PHACTR1: variants seen among roughly 807,000 people sequenced by gnomAD.
PHACTR1 encodes the protein phosphatase and actin regulator 1.
Under a neutral mutation model 69.2 loss-of-function variants are expected in PHACTR1, and 16 were observed. The ratio of observed to expected loss-of-function variants is 0.23; its 90% CI spans 0.16 to 0.35. The LOEUF is 0.35. Among genes scored for constraint, PHACTR1 ranks in the 10% least tolerant of loss-of-function variants. The probability of loss-of-function intolerance (pLI) is 1.00; values close to 1 mark genes in which losing one functional copy is unlikely to be tolerated. For missense variants in PHACTR1, 510 were observed against 734.7 expected, an observed-to-expected ratio of 0.69 and a Z score of 3.54; for synonymous variants, 312 against 284.5, an observed-to-expected ratio of 1.10 and a Z score of -0.97.
intron 10 of PHACTR1, among the ~76,000 whole-genome samples, chr6:13,233,105 C>T (rs1054025303): frequency 5.9e-5 from 9 of 152,270 alleles, no homozygotes; most frequent in African/African-American, 9.6e-5. Flanking sequence ...TTTAGACTAA[C>T]ACAGTAAAAA....
At chr6:13,063,434 G>A (rs1807992156) in intron 5 of PHACTR1, among the ~76,000 whole-genome samples, 1 of 152,114 alleles carries the variant, frequency 6.6e-6, no homozygotes, top group Non-Finnish European at 1.5e-5. Flanking sequence ...AGAACAGAAT[G>A]TAGGAGAGCC....
chr6:12,797,145 G>A (rs1325048804), intron 4 of PHACTR1, among the ~76,000 whole-genome samples: 3 of 151,992 alleles, frequency 2.0e-5, no homozygotes, highest in South Asian at 2.1e-4. Context: ...GAGATGCCTA[G>A]TCTAGGTGTG....
At chr6:12,882,541 G>A (rs1267622669) in intron 4 of PHACTR1, among the ~76,000 whole-genome samples, 1 of 152,148 alleles carries the variant, frequency 6.6e-6, no homozygotes, top group Admixed American at 6.5e-5. Flanking sequence ...GTTTTCATCT[G>A]TTTAAAATCA....
At chr6:13,081,533 T>A (rs986926008) in intron 5 of PHACTR1, among the ~76,000 whole-genome samples, 2 of 152,164 alleles carry the variant, frequency 1.3e-5, no homozygotes, top group African/African-American at 4.8e-5. Context: ...AAAAGTGTAC[T>A]TAAAGAAGCA....
At position 13,270,978 on chromosome 6, in the gene PHACTR1, A is replaced by T. The variant is rs116112425; in HGVS notation, c.1392-1882A>T. On this transcript the variant is annotated intron_variant, in intron 10 of 14. Transcript: ENST00000332995. ...AAAAGCAGGAGCAAGAGAGAGAGAG[A>T]GAGTGAGCAGGGAGTTGCCACATGC... Among the ~76,000 whole-genome samples the T allele has an allele frequency of 4.1e-3, 613 of 151,232 alleles. 3 individuals are homozygous for T. Among genetic ancestry groups the T allele is most frequent in the African/African-American group, 0.014 (591 of 41,216 alleles).
chr6:13,160,285 G>C lies in PHACTR1; in HGVS notation c.496+1G>C, dbSNP rs1179892355. ...GTCCTGAAGGAAATCTATGATAAAG[G>C]TAAGGAGGATTGGTCTGTCATCCCC... On this transcript the variant is annotated splice_donor_variant, in intron 6 of 14. Transcript: ENST00000332995. LOFTEE classifies it high-confidence loss of function. 2.5e-6 allele frequency: 4 copies of C among 1,612,752 alleles called. No individual in the cohort carries two copies.
chr6:12,972,371 C>A (rs1032433047), intron 4 of PHACTR1, among the ~76,000 whole-genome samples: 2 of 152,190 alleles, frequency 1.3e-5, no homozygotes, highest in Non-Finnish European at 2.9e-5. Flanking sequence ...CCTACACATA[C>A]CCCTTGTGTT....
rs76413071 is a variant in PHACTR1, at chr6:12,824,051, G to A, written c.250+74261G>A. ...GGAGGTGAGCAGTGGGCAAGCAGGC[G>A]GAACGTCATTTGTGTTCACAGCCGC... On this transcript the variant is annotated intron_variant, in intron 4 of 14. Coordinates refer to ENST00000332995, the MANE Select transcript of PHACTR1 (RefSeq NM_030948.6). Among the ~76,000 whole-genome samples the A allele has an allele frequency of 7.1e-3, 1,079 of 152,248 alleles. 17 individuals carry two copies. The highest frequency in any genetic ancestry group is 0.025 in the African/African-American group (1,021 of 41,518).
chr6:12,886,962 G>A (rs185223582), intron 4 of PHACTR1, among the ~76,000 whole-genome samples: 11 of 152,230 alleles, frequency 7.2e-5, no homozygotes, highest in African/African-American at 2.4e-4. Context: ...GGTGGTGGTC[G>A]GTTTCAGAGC....
chr6:12,765,487 T>C (rs1768496037), intron 4 of PHACTR1, among the ~76,000 whole-genome samples: 1 of 152,222 alleles, frequency 6.6e-6, no homozygotes, highest in Admixed American at 6.5e-5. Context: ...CACTTCCCCA[T>C]GAGTCCATCT....
intron 5 of PHACTR1, among the ~76,000 whole-genome samples, chr6:13,145,852 A>G (rs1437072154): frequency 3.9e-5 from 6 of 152,224 alleles, no homozygotes; most frequent in South Asian, 4.1e-4. Context: ...AAGCCGGTCT[A>G]TAGTGTTTTG....
intron 4 of PHACTR1, among the ~76,000 whole-genome samples, chr6:13,013,264 A>G (rs1799650473): frequency 6.6e-6 from 1 of 152,242 alleles, no homozygotes. Flanking sequence ...GGCGTTAAAC[A>G]ATCTCCTTCG....
chr6:13,003,951 C>CTATATATATATATATATATACATATA (rs1384494931), intron 4 of PHACTR1, among the ~76,000 whole-genome samples: 2 of 93,548 alleles, frequency 2.1e-5, no homozygotes, highest in African/African-American at 6.2e-5. Context: ...AGTAGTATTC[C>CTATATATATATATATATATACATATA]TATATATATA....
chr6:12,793,591 T>C (rs1304430843), intron 4 of PHACTR1, among the ~76,000 whole-genome samples: 5 of 152,212 alleles, frequency 3.3e-5, no homozygotes, highest in Admixed American at 3.3e-4. Context: ...TCTGATTGTA[T>C]TAAGAAACCA....
chr6:12,969,099 C>T (rs1486715735), intron 4 of PHACTR1, among the ~76,000 whole-genome samples: 1 of 152,072 alleles, frequency 6.6e-6, no homozygotes, highest in East Asian at 1.9e-4. Flanking sequence ...CCCTCGACAG[C>T]CTTTTAAAAA....
At chr6:13,247,033 A>C (rs1281285624) in intron 10 of PHACTR1, among the ~76,000 whole-genome samples, 1 of 152,188 alleles carries the variant, frequency 6.6e-6, no homozygotes, top group Non-Finnish European at 1.5e-5. Flanking sequence ...TTTTCCTCTA[A>C]TTCTAAAAGC....
At chr6:12,810,515 A>G (rs1040656461) in intron 4 of PHACTR1, among the ~76,000 whole-genome samples, 1 of 152,184 alleles carries the variant, frequency 6.6e-6, no homozygotes, top group Middle Eastern at 3.4e-3. Context: ...GGTTTCTGGT[A>G]CCCCATCCTG....
chr6:12,779,142 C>T (rs879725247), intron 4 of PHACTR1, among the ~76,000 whole-genome samples: 1 of 152,182 alleles, frequency 6.6e-6, no homozygotes, highest in Non-Finnish European at 1.5e-5. Flanking sequence ...TCGAGACCAG[C>T]CTGACCAACA....
At chr6:13,159,930 A>G (rs1758736386) in intron 5 of PHACTR1, among the ~76,000 whole-genome samples, 1 of 151,754 alleles carries the variant, frequency 6.6e-6, no homozygotes, top group African/African-American at 2.4e-5. Context: ...ACAGAGTGAG[A>G]CTCTGTCTCA....
Sources: allele counts gnomAD v4.1 joint callset (sites outside exome capture counted in the v4.1 genomes callset), GRCh38; gene constraint gnomAD v4.1.1; transcripts MANE v1.5; gene names NCBI Gene and HGNC (gene_info 2026-07-23, HGNC 2026-07-21).